FANCB: variants seen among roughly 807,000 people sequenced by gnomAD.
FANCB encodes the protein Fanconi anemia group B protein.
In FANCB, 5 loss-of-function variants were observed where a neutral mutation model predicts 38.9. The ratio of observed to expected loss-of-function variants is 0.13; its 90% confidence interval spans 0.07 to 0.27. FANCB has a LOEUF of 0.27. Among genes scored for constraint, FANCB ranks in the 10% least tolerant of loss-of-function variants. The probability of loss-of-function intolerance (pLI) is 1.00; values close to 1 mark genes in which losing one functional copy is unlikely to be tolerated. For missense variants in FANCB, 573 were observed against 602.7 expected (o/e 0.95, Z 0.52); for synonymous variants, 236 against 215.4 (o/e 1.10, Z -0.84).
the FANCB span, among the ~76,000 whole-genome samples, chrX:14,727,942 C>T: frequency 2.3e-3 from 260 of 112,061 alleles, 1 homozygote; most frequent in Middle Eastern, 0.014. Context: ...ACAGAGGCAA[C>T]ACTCAACAAT....
chrX:14,749,728 C>T, the FANCB span, among the ~76,000 whole-genome samples: 1 of 111,746 alleles, frequency 8.9e-6, no homozygotes, highest in Admixed American at 9.5e-5. Context: ...CAGAGAGGAG[C>T]CAAAAGGGCA....
At chrX:14,739,451 T>C in the FANCB span, among the ~76,000 whole-genome samples, 1 of 112,166 alleles carries the variant, frequency 8.9e-6, no homozygotes, top group Non-Finnish European at 1.9e-5. Flanking sequence ...AGTTTCACTA[T>C]ATCCACACTA....
chrX:14,840,900 C>G (rs763262961), downstream of FANCB, among the ~76,000 whole-genome samples: 1 of 111,496 alleles, frequency 9.0e-6, no homozygotes, highest in Non-Finnish European at 1.9e-5. Context: ...AATTTACTGC[C>G]CTTACTAAAG....
the FANCB span, among the ~76,000 whole-genome samples, chrX:14,771,801 A>G: frequency 9.0e-6 from 1 of 111,265 alleles, no homozygotes; most frequent in Non-Finnish European, 1.9e-5. Flanking sequence ...GAGGTCACTG[A>G]CCTTTGAATG....
the FANCB span, among the ~76,000 whole-genome samples, chrX:14,798,791 A>G: frequency 8.9e-6 from 1 of 111,998 alleles, no homozygotes. Context: ...TTATTTAATC[A>G]AACACCAATT....
chrX:14,690,569 G>A, the FANCB span: 4 of 445,550 alleles, frequency 9.0e-6, no homozygotes, highest in South Asian at 7.8e-5. Flanking sequence ...TTAAGAAAAC[G>A]CTGGAAAATC....
chrX:14,739,386 T>C, the FANCB span, among the ~76,000 whole-genome samples: 1 of 111,512 alleles, frequency 9.0e-6, no homozygotes, highest in Non-Finnish European at 1.9e-5. Flanking sequence ...TCACCTATCA[T>C]ATTAGAGTTT....
chrX:14,773,142 T>G, the FANCB span, among the ~76,000 whole-genome samples: 29 of 112,584 alleles, frequency 2.6e-4, no homozygotes, highest in Non-Finnish European at 4.9e-4. Flanking sequence ...ATCAGCCATC[T>G]TGGATCCCAA....
chrX:14,753,671 A>G, the FANCB span, among the ~76,000 whole-genome samples: 386 of 111,111 alleles, frequency 3.5e-3, 2 homozygotes, highest in African/African-American at 0.011. Context: ...TTCACATGGT[A>G]GTGATTACCG....
the FANCB span, among the ~76,000 whole-genome samples, chrX:14,703,476 C>T: frequency 2.1e-4 from 24 of 111,894 alleles, no homozygotes; most frequent in East Asian, 5.7e-4. Context: ...GTTGTGAGCA[C>T]GTAGATCATC....
At chrX:14,805,493 C>G in the FANCB span, among the ~76,000 whole-genome samples, 1 of 110,979 alleles carries the variant, frequency 9.0e-6, no homozygotes, top group African/African-American at 3.3e-5. Flanking sequence ...GAGAACACAC[C>G]ATCACCCCCG....
At chrX:14,812,844 C>T in the FANCB span, among the ~76,000 whole-genome samples, 12 of 110,510 alleles carry the variant, frequency 1.1e-4, no homozygotes, top group Non-Finnish European at 2.1e-4. Flanking sequence ...ATACCAAAGC[C>T]GGGCAGAGAT....
chrX:14,706,980 T>C, the FANCB span, among the ~76,000 whole-genome samples: 1 of 111,314 alleles, frequency 9.0e-6, no homozygotes, highest in African/African-American at 3.3e-5. Context: ...ACAGAATCAT[T>C]GAATGTTCTT....
the FANCB span, among the ~76,000 whole-genome samples, chrX:14,773,524 GGAGA>G: frequency 1.8e-5 from 2 of 111,779 alleles, no homozygotes; most frequent in East Asian, 2.8e-4. Context: ...GGAAGAAAAA[GGAGA>G]GAGAAATACA....
chrX:14,820,750 C>T, the FANCB span, among the ~76,000 whole-genome samples: 11 of 108,767 alleles, frequency 1.0e-4, no homozygotes, highest in East Asian at 3.3e-3. Context: ...CTCAGCTGTC[C>T]AGATCTTTAT....
In FANCB at chrX:14,865,481, G is replaced by C. The variant is rs750078094; in HGVS notation, c.30C>G (p.Asn10Lys). ...TATAACACAAGAGCCTTTCTTGTTC[G>C]TTAGATGACATTGCTTGTTTGCTAG... is the stretch of plus-strand genomic sequence containing the variant. MTSKQAMSS[N>K]EQERLLCYNG... The change falls in exon 3 of 10, where the codon AAC becomes AAG. Residue 10 changes from asparagine to lysine, a missense_variant. By Grantham distance (94) the Asn-to-Lys change is moderately conservative. Coordinates refer to ENST00000650831, the MANE Select transcript of FANCB (RefSeq NM_001018113.3). 1 of 1,203,658 alleles carries C rather than the reference G, an allele frequency of 8.3e-7. No individual in the cohort carries two copies. Among genetic ancestry groups the C allele is most frequent in the East Asian group, 3.0e-5 (1 of 33,761 alleles).
the FANCB span, among the ~76,000 whole-genome samples, chrX:14,795,612 T>C: frequency 1.8e-5 from 2 of 111,825 alleles, no homozygotes; most frequent in Non-Finnish European, 3.8e-5. Context: ...GCAAATGCAA[T>C]TGGATGACAA....
At chrX:14,870,815 A>C (rs996378031) in intron 1 of FANCB, among the ~76,000 whole-genome samples, 2 of 111,795 alleles carry the variant, frequency 1.8e-5, no homozygotes, top group African/African-American at 6.5e-5. Flanking sequence ...AGAGCAGATG[A>C]CATCCAAAAA....
downstream of FANCB, among the ~76,000 whole-genome samples, chrX:14,843,099 T>G (rs1007039071): frequency 3.6e-5 from 4 of 112,005 alleles, no homozygotes; most frequent in African/African-American, 1.3e-4. Flanking sequence ...AAAATGAAGT[T>G]TTTAAAAGAT....
Sources: gnomAD v4.1 joint callset for allele counts (sites outside exome capture counted in the v4.1 genomes callset) on GRCh38, gnomAD v4.1.1 for gene constraint, MANE v1.5 for transcripts, NCBI Gene and HGNC (gene_info 2026-07-23, HGNC 2026-07-21) for gene names.